Variants in C16orf74 observed in about 807,000 individuals in gnomAD.
The protein encoded by C16orf74 is uncharacterized protein C16orf74.
In C16orf74, 10 loss-of-function variants were observed where a neutral mutation model predicts 6.5. That is an observed-to-expected ratio of 1.54 (90% CI 0.95 to 2.61). The LOEUF is 2.61. C16orf74 is among the 30% of genes most tolerant of loss of function. The pLI, the probability that C16orf74 is intolerant of heterozygous loss-of-function variation, is 0.00. For synonymous variants in C16orf74, 60 were observed against 42.5 expected (o/e 1.41, Z -1.60); for missense variants, 141 against 105.9 (o/e 1.33, Z -1.45).
chr16:85,734,333 C>T (rs887997263), intron 2 of C16orf74, among the ~76,000 whole-genome samples: 2 of 152,196 alleles, frequency 1.3e-5, no homozygotes, highest in Non-Finnish European at 2.9e-5. Flanking sequence ...ATCTAGGTCT[C>T]ACAGAGGCAT....
At chr16:85,742,436 G>C (rs1341112296) in intron 1 of C16orf74, among the ~76,000 whole-genome samples, 1 of 152,160 alleles carries the variant, frequency 6.6e-6, no homozygotes, top group African/African-American at 2.4e-5. Context: ...CTCGCCACAT[G>C]ATCTCTGTGG....
At chr16:85,728,577 C>T (rs904987955) in intron 2 of C16orf74, among the ~76,000 whole-genome samples, 2 of 152,124 alleles carry the variant, frequency 1.3e-5, no homozygotes, top group Admixed American at 6.5e-5. Context: ...GTAGCCCTAA[C>T]GCCCCAGCCA....
At chr16:85,743,091 A>G (rs1227631814) in intron 1 of C16orf74, among the ~76,000 whole-genome samples, 1 of 152,100 alleles carries the variant, frequency 6.6e-6, no homozygotes, top group African/African-American at 2.4e-5. Context: ...TTTATGTGGG[A>G]GTGTGGAGAG....
chr16:85,749,726 ACGG>A (rs753120803), intron 1 of C16orf74, among the ~76,000 whole-genome samples: 16 of 152,288 alleles, frequency 1.1e-4, no homozygotes, highest in Admixed American at 9.2e-4. Flanking sequence ...GTGTCCACTG[ACGG>A]CACGCTCCCA....
intron 2 of C16orf74, among the ~76,000 whole-genome samples, chr16:85,717,198 G>A (rs576310613): frequency 2.6e-5 from 4 of 152,342 alleles, no homozygotes; most frequent in East Asian, 3.9e-4. Flanking sequence ...TTACATAGGC[G>A]GGTGCTGGCA....
intron 3 of C16orf74, among the ~76,000 whole-genome samples, chr16:85,709,526 T>TTATTATTAC (rs1470714159): frequency 7.6e-6 from 1 of 132,426 alleles, no homozygotes; most frequent in Non-Finnish European, 1.7e-5. Flanking sequence ...ATTATTATTA[T>TTATTATTAC]TATTCATAGC....
Position 85,735,296 on chromosome 16 carries a change from G to T in C16orf74, c.-18-61C>A, listed in dbSNP as rs998118419. Reference sequence around the variant, plus strand: ...CGCGACTTGTTTGTATTGGCCACGTGCAGCCGGGCCCCCACCCTTGGCCCT... The same window carrying T: ...CGCGACTTGTTTGTATTGGCCACGTTCAGCCGGGCCCCCACCCTTGGCCCT... On this transcript the variant is annotated intron_variant, in intron 1 of 3. Transcript: ENST00000284245. The T allele has an allele frequency of 8.5e-6, 11 of 1,297,128 alleles. No individual in the cohort carries two copies. The Admixed American group carries it at 2.3e-4, about 27-fold the overall frequency. The allele number at this position is 1,297,128 out of a possible 1,614,324, so 80.4% of individuals were successfully genotyped here.
chr16:85,743,102 C>T (rs1315623755), intron 1 of C16orf74, among the ~76,000 whole-genome samples: 1 of 152,088 alleles, frequency 6.6e-6, no homozygotes, highest in Non-Finnish European at 1.5e-5. Flanking sequence ...GTGTGGAGAG[C>T]CCTGTCCACT....
chr16:85,743,515 A>G (rs2054333485), intron 1 of C16orf74: 1 of 152,168 alleles, frequency 6.6e-6, no homozygotes, highest in African/African-American at 2.4e-5. Flanking sequence ...GCTGCCAGAC[A>G]CTAAAGCCAA....
chr16:85,716,105 T>C (rs924450113), intron 2 of C16orf74, among the ~76,000 whole-genome samples: 6 of 152,128 alleles, frequency 3.9e-5, no homozygotes, highest in Admixed American at 1.3e-4. Flanking sequence ...CCTCGGTGAA[T>C]ACTCCAAGAT....
chr16:85,723,746 C>T (rs1567805991), intron 2 of C16orf74, among the ~76,000 whole-genome samples: 2 of 152,198 alleles, frequency 1.3e-5, no homozygotes, highest in Admixed American at 6.5e-5. Flanking sequence ...TGCACGTAGC[C>T]GTGCTGTGCA....
At chr16:85,743,910 C>T (rs189950218) in intron 1 of C16orf74, among the ~76,000 whole-genome samples, 12 of 152,112 alleles carry the variant, frequency 7.9e-5, no homozygotes, top group Admixed American at 5.9e-4. Context: ...AAAAATTAGC[C>T]GGGCATGGTG....
chr16:85,710,221 T>C lies in C16orf74; in HGVS notation c.115A>G (p.Ile39Val), dbSNP rs780331075. The change falls in exon 3 of 4, where the codon ATC becomes GTC. Residue 39 changes from isoleucine (I) to valine (V), a missense_variant. Physicochemically the swap from Ile to Val is conservative, Grantham distance 29 (BLOSUM62 3). Transcript: ENST00000284245. ...CCCGTGGGGGTGGGGGGCGTGATGA[T>C]GATGTCGGGCACGTCCAGGTGCTTG... ...NDKHLDVPDI[I>V]ITPPTPTGMM... 1 of 1,501,752 alleles carries C rather than the reference T, an allele frequency of 6.7e-7. No homozygotes were observed. The highest frequency in any genetic ancestry group is 2.7e-5 in the Admixed American group (1 of 36,412). The allele number at this position is 1,501,752 out of a possible 1,614,324, so 93.0% of individuals were successfully genotyped here. A position where few individuals can be genotyped will look rare whatever the true frequency, so the allele number is the denominator to read the frequency against.
At position 85,735,248 on chromosome 16, in the gene C16orf74, G is replaced by A. The variant is rs755928889; in HGVS notation, c.-18-13C>T. The A allele has an allele frequency of 3.9e-6, 6 of 1,558,304 alleles. No individual in the cohort carries two copies. The South Asian group carries it at 6.0e-5, about 16-fold the overall frequency. On this transcript the variant is annotated splice_polypyrimidine_tract_variant and intron_variant, in intron 1 of 3. Coordinates refer to ENST00000284245, the MANE Select transcript of C16orf74 (RefSeq NM_206967.3). ...CACCTCTGCAGGCCTGTGGAGAGAG[G>A]ACAGCGCTGAGAGAGGGGAGGGCGC...
chr16:85,727,405 G>A (rs2054144865), intron 2 of C16orf74, among the ~76,000 whole-genome samples: 1 of 152,228 alleles, frequency 6.6e-6, no homozygotes, highest in African/African-American at 2.4e-5. Context: ...GAGTGTCTGA[G>A]AAACTGTCAC....
intron 1 of C16orf74, 37 bp from the exon 2 acceptor site, chr16:85,735,272 G>T: frequency 6.6e-7 from 1 of 1,507,922 alleles, no homozygotes; most frequent in Non-Finnish European, 9.0e-7. Flanking sequence ...AGGGGAGGGC[G>T]CGACTTGTTT....
At chr16:85,720,819 G>A (rs1194119121) in intron 2 of C16orf74, among the ~76,000 whole-genome samples, 1 of 151,112 alleles carries the variant, frequency 6.6e-6, no homozygotes, top group East Asian at 1.9e-4. Flanking sequence ...TGGGCGTGGC[G>A]GCTCATGCTT....
chr16:85,728,781 C>G (rs2054159381), intron 2 of C16orf74, among the ~76,000 whole-genome samples: 1 of 152,234 alleles, frequency 6.6e-6, no homozygotes, highest in Admixed American at 6.5e-5. Flanking sequence ...GACACAGAAA[C>G]TGAGGCCTGG....
intron 2 of C16orf74, among the ~76,000 whole-genome samples, chr16:85,720,050 CTT>C (rs112970652): frequency 3.1e-4 from 44 of 143,746 alleles, no homozygotes; most frequent in African/African-American, 6.6e-4. Flanking sequence ...TGCGTTTAAT[CTT>C]TTTTTTTTTT....
Sources: gnomAD v4.1 joint callset for allele counts (sites outside exome capture counted in the v4.1 genomes callset) on GRCh38, gnomAD v4.1.1 for gene constraint, MANE v1.5 for transcripts, NCBI Gene and HGNC (gene_info 2026-07-23, HGNC 2026-07-21) for gene names.